Variants in C1orf21 observed in about 807,000 individuals in gnomAD.
The protein encoded by C1orf21 is chromosome 1 open reading frame 21.
C1orf21 carries 3 observed loss-of-function variants against 18.7 expected under a neutral mutation model. The ratio of observed to expected loss-of-function variants is 0.16; its 90% CI spans 0.07 to 0.42. The LOEUF (loss-of-function observed/expected upper bound fraction) is 0.42, where lower values mean the gene tolerates loss of function less well. Ranked by LOEUF, C1orf21 falls within the 10% of genes least tolerant of loss-of-function variation. The pLI is 0.99. For synonymous variants in C1orf21, 41 were observed against 46.4 expected (o/e 0.88, Z 0.47); for missense variants, 104 against 143.6 (o/e 0.72, Z 1.41).
chr1:184,443,134 G>A (rs1251648516), intron 1 of C1orf21, among the ~76,000 whole-genome samples: 1 of 152,164 alleles, frequency 6.6e-6, no homozygotes, highest in Admixed American at 6.5e-5. Flanking sequence ...TCCTCTGCTT[G>A]CAGGCTCTTC....
At chr1:184,601,172 T>C (rs1219042588) in intron 5 of C1orf21, among the ~76,000 whole-genome samples, 2 of 152,196 alleles carry the variant, frequency 1.3e-5, no homozygotes, top group African/African-American at 2.4e-5. Context: ...CTGAGAGACC[T>C]TGAGTTTTAA....
intron 1 of C1orf21, among the ~76,000 whole-genome samples, chr1:184,465,231 G>A (rs1657372351): frequency 6.6e-6 from 1 of 152,112 alleles, no homozygotes; most frequent in Non-Finnish European, 1.5e-5. Context: ...ATGCTAATTT[G>A]TCTTTCTCTT....
intron 3 of C1orf21, among the ~76,000 whole-genome samples, chr1:184,554,878 G>T (rs565203304): frequency 9.2e-5 from 14 of 152,272 alleles, no homozygotes; most frequent in Admixed American, 2.0e-4. Context: ...GCTTTCTATT[G>T]TTTATAGTTC....
chr1:184,400,145 T>G (rs1361098239), intron 1 of C1orf21, among the ~76,000 whole-genome samples: 1 of 152,216 alleles, frequency 6.6e-6, no homozygotes, highest in East Asian at 1.9e-4. Flanking sequence ...AATTGGCTTC[T>G]GAATCTTTTT....
At chr1:184,610,458 C>G (rs1659711901) in intron 5 of C1orf21, among the ~76,000 whole-genome samples, 1 of 152,174 alleles carries the variant, frequency 6.6e-6, no homozygotes, top group Non-Finnish European at 1.5e-5. Flanking sequence ...CTCTCCATGT[C>G]TTTATCCTCA....
At chr1:184,548,724 C>G (rs1446934843) in intron 3 of C1orf21, among the ~76,000 whole-genome samples, 1 of 152,140 alleles carries the variant, frequency 6.6e-6, no homozygotes, top group Non-Finnish European at 1.5e-5. Context: ...AGGGTACTTT[C>G]CTTTGGAGAA....
chr1:184,558,258 T>G (rs764336856), intron 3 of C1orf21, among the ~76,000 whole-genome samples: 2 of 152,194 alleles, frequency 1.3e-5, no homozygotes, highest in African/African-American at 2.4e-5. Context: ...CCAATAAGCT[T>G]CTACCATGTA....
At chr1:184,488,670 A>ATTT (rs1657768469) in intron 2 of C1orf21, among the ~76,000 whole-genome samples, 1 of 152,220 alleles carries the variant, frequency 6.6e-6, no homozygotes, top group African/African-American at 2.4e-5. Flanking sequence ...TAACTGTCAA[A>ATTT]TAAGAAACTG....
intron 5 of C1orf21, among the ~76,000 whole-genome samples, chr1:184,605,965 G>A (rs1026775521): frequency 2.0e-5 from 3 of 152,196 alleles, no homozygotes; most frequent in Non-Finnish European, 4.4e-5. Context: ...TAGAAACTTG[G>A]ATCCTGCGTG....
intron 2 of C1orf21, among the ~76,000 whole-genome samples, chr1:184,494,849 T>G (rs74131694): frequency 0.16 from 24,238 of 151,358 alleles, 2,232 homozygotes; most frequent in Admixed American, 0.28. Context: ...CTTTTGCTTT[T>G]TTTTTTTTTT....
At chr1:184,613,730 A>G (rs1558015081) in intron 5 of C1orf21, among the ~76,000 whole-genome samples, 4 of 152,314 alleles carry the variant, frequency 2.6e-5, no homozygotes, top group African/African-American at 9.6e-5. Flanking sequence ...CGAGGACTCC[A>G]TTAGGTACCC....
intron 3 of C1orf21, among the ~76,000 whole-genome samples, chr1:184,528,228 A>G (rs190464152): frequency 6.6e-6 from 1 of 152,272 alleles, no homozygotes; most frequent in Admixed American, 6.5e-5. Flanking sequence ...CCAGTATTCA[A>G]TCTCTGTCTC....
chr1:184,466,689 G>A (rs1364298658), intron 1 of C1orf21, among the ~76,000 whole-genome samples: 2 of 152,018 alleles, frequency 1.3e-5, no homozygotes, highest in Non-Finnish European at 1.5e-5. Flanking sequence ...TAAACTAATC[G>A]AAGATTTAAG....
intron 3 of C1orf21, chr1:184,567,073 T>G (rs1383128236): frequency 1.0e-5 from 5 of 490,760 alleles, no homozygotes; most frequent in Non-Finnish European, 2.0e-5. Flanking sequence ...AAAACATCCT[T>G]GAGAAAGACA....
chr1:184,603,268 G>A (rs1292540834), intron 5 of C1orf21, among the ~76,000 whole-genome samples: 3 of 152,220 alleles, frequency 2.0e-5, no homozygotes, highest in African/African-American at 2.4e-5. Context: ...AGGGAATTGA[G>A]TGCAGATGAC....
Position 184,588,967 on chromosome 1 carries a change from A to G in C1orf21, c.190-1772A>G, listed in dbSNP as rs377623502. On this transcript the variant is annotated intron_variant, in intron 3 of 5. Coordinates refer to ENST00000235307, the MANE Select transcript of C1orf21 (RefSeq NM_030806.4). ...TCCATTGAGCCTCTGTTGTTTGGGG[A>G]GATCCTTCCTTACTTAGCAACCACA... 1.4e-4 allele frequency among the ~76,000 whole-genome samples: 21 copies of G among 152,216 alleles called. No individual in the cohort carries two copies. In the East Asian group the frequency reaches 2.7e-3, roughly 20 times the overall value.
intron 2 of C1orf21, among the ~76,000 whole-genome samples, chr1:184,487,690 A>G (rs1013704030): frequency 6.6e-6 from 1 of 152,208 alleles, no homozygotes. Context: ...TGGAACTGAA[A>G]TACAATGTTA....
At chr1:184,572,647 T>C (rs971128066) in intron 3 of C1orf21, among the ~76,000 whole-genome samples, 1 of 152,102 alleles carries the variant, frequency 6.6e-6, no homozygotes, top group Non-Finnish European at 1.5e-5. Flanking sequence ...CCATGCAAGA[T>C]TTTTTTTAAA....
chr1:184,590,948 T>C, intron 4 of C1orf21, 133 bp downstream of exon 4: 1 of 822,690 alleles, frequency 1.2e-6, no homozygotes, highest in Non-Finnish European at 1.9e-6. Context: ...AAAAACAAAA[T>C]TTGAACTTGC....
Sources: allele counts gnomAD v4.1 joint callset (sites outside exome capture counted in the v4.1 genomes callset), GRCh38; gene constraint gnomAD v4.1.1; transcripts MANE v1.5; gene names NCBI Gene and HGNC (gene_info 2026-07-23, HGNC 2026-07-21).